The following CCDC7 variants were observed in gnomAD, a reference collection of about 807,000 sequenced individuals.
CCDC7 encodes coiled-coil domain containing 7.
In CCDC7, 183 loss-of-function variants were observed where a neutral mutation model predicts 196.9. That is an observed-to-expected ratio of 0.93 (90% CI 0.82 to 1.05). The LOEUF (loss-of-function observed/expected upper bound fraction) is 1.05, where lower values mean the gene tolerates loss of function less well. Among genes scored for constraint, CCDC7 ranks in the 50% least tolerant of loss-of-function variants. The probability of loss-of-function intolerance (pLI) is 0.00; values close to 1 mark genes in which losing one functional copy is unlikely to be tolerated. For missense variants in CCDC7, 1,540 were observed against 1,482.2 expected (o/e 1.04, Z -0.64); for synonymous variants, 525 against 484.6 (o/e 1.08, Z -1.10).
At chr10:32,683,908 A>G (rs2076160033) in intron 21 of CCDC7, among the ~76,000 whole-genome samples, 1 of 152,148 alleles carries the variant, frequency 6.6e-6, no homozygotes, top group Non-Finnish European at 1.5e-5. Context: ...GTTTTTCTTT[A>G]TGGCACGTGT....
At chr10:32,733,350 G>T (rs1244567327) in intron 28 of CCDC7, among the ~76,000 whole-genome samples, 1 of 152,004 alleles carries the variant, frequency 6.6e-6, no homozygotes, top group Non-Finnish European at 1.5e-5. Context: ...TGATAAATTT[G>T]TTTATTTAAT....
chr10:32,646,077 A>T (rs2067714894), intron 20 of CCDC7, among the ~76,000 whole-genome samples: 3 of 123,430 alleles, frequency 2.4e-5, no homozygotes, highest in South Asian at 2.9e-4. Flanking sequence ...TTATTTTCGG[A>T]TTGTTCTTTT....
At chr10:32,626,081 C>A (rs1374791903) in intron 18 of CCDC7, among the ~76,000 whole-genome samples, 2 of 151,994 alleles carry the variant, frequency 1.3e-5, no homozygotes, top group African/African-American at 4.8e-5. Context: ...TTGGTAAATA[C>A]TCAGAAATGC....
intron 11 of CCDC7, among the ~76,000 whole-genome samples, chr10:32,528,908 A>G (rs1222474384): frequency 6.6e-6 from 1 of 151,850 alleles, no homozygotes; most frequent in Non-Finnish European, 1.5e-5. Flanking sequence ...ATTTGGAAAT[A>G]TCTTTTTTGT....
intron 20 of CCDC7, among the ~76,000 whole-genome samples, chr10:32,654,264 T>C (rs1252742339): frequency 6.6e-6 from 1 of 152,220 alleles, no homozygotes; most frequent in African/African-American, 2.4e-5. Context: ...TGAATAGTTT[T>C]ATAATAGCTG....
At chr10:32,735,994 C>G (rs2084798180) in intron 28 of CCDC7, among the ~76,000 whole-genome samples, 1 of 152,072 alleles carries the variant, frequency 6.6e-6, no homozygotes, top group Non-Finnish European at 1.5e-5. Flanking sequence ...TTCTTTTTAT[C>G]TCTCTTCTGT....
intron 9 of CCDC7, among the ~76,000 whole-genome samples, chr10:32,510,987 A>G (rs2046023320): frequency 6.6e-6 from 1 of 151,316 alleles, no homozygotes; most frequent in Non-Finnish European, 1.5e-5. Context: ...AAATAGTACA[A>G]ATGTTTACAA....
intron 18 of CCDC7, among the ~76,000 whole-genome samples, chr10:32,590,345 A>G (rs1318118420): frequency 1.3e-5 from 2 of 152,132 alleles, no homozygotes; most frequent in Non-Finnish European, 2.9e-5. Context: ...AACAGCAAAA[A>G]CAAGCAAAAA....
intron 25 of CCDC7, among the ~76,000 whole-genome samples, chr10:32,725,150 A>C (rs1282037642): frequency 6.6e-6 from 1 of 152,078 alleles, no homozygotes; most frequent in Non-Finnish European, 1.5e-5. Context: ...CTTTAATTTT[A>C]GTGTCTAAGG....
intron 4 of CCDC7, 107 bp from the exon 6 acceptor site, chr10:32,462,910 G>T (rs566441984): frequency 2.6e-6 from 4 of 1,509,606 alleles, no homozygotes; most frequent in Non-Finnish European, 3.6e-6. Context: ...ATATTTGATG[G>T]ATGAAGATTC....
Position 32,715,430 on chromosome 10 carries a change from A to T in CCDC7, c.2569+3700A>T, listed in dbSNP as rs528682644. On this transcript the variant is annotated intron_variant, in intron 25 of 41. Transcript: ENST00000639629. ...TCAAAGACCAAAGGTAGATAAATCC[A>T]TGAAGATGAGTAAAAACCAGTGCAA... Among the ~76,000 whole-genome samples, 12 of 152,350 alleles carry T rather than the reference A, an allele frequency of 7.9e-5. No homozygotes were observed. The South Asian group carries it at 2.5e-3, about 32-fold the overall frequency.
At chr10:32,549,803 T>G (rs1049354940) in intron 13 of CCDC7, among the ~76,000 whole-genome samples, 2 of 152,200 alleles carry the variant, frequency 1.3e-5, no homozygotes, top group Non-Finnish European at 2.9e-5. Flanking sequence ...CCATGCTGTT[T>G]TGGTGACTAT....
intron 33 of CCDC7, among the ~76,000 whole-genome samples, chr10:32,841,772 GA>G (rs138206984): frequency 0.017 from 2,529 of 152,092 alleles, 35 homozygotes; most frequent in Non-Finnish European, 0.026. Context: ...TAGACCAATG[GA>G]ACAGAATAAA....
At chr10:32,670,762 T>G (rs1268165560) in intron 21 of CCDC7, among the ~76,000 whole-genome samples, 2 of 152,162 alleles carry the variant, frequency 1.3e-5, no homozygotes, top group Non-Finnish European at 2.9e-5. Context: ...GTTGATCTTT[T>G]CTATTGTTTT....
At chr10:32,726,190 A>G (rs1200925305) in intron 25 of CCDC7, among the ~76,000 whole-genome samples, 1 of 151,976 alleles carries the variant, frequency 6.6e-6, no homozygotes, top group Non-Finnish European at 1.5e-5. Context: ...ATTATTTTTC[A>G]CTTAACATTA....
At chr10:32,573,611 T>C (rs1164118208) in intron 16 of CCDC7, among the ~76,000 whole-genome samples, 1 of 152,116 alleles carries the variant, frequency 6.6e-6, no homozygotes, top group Non-Finnish European at 1.5e-5. Flanking sequence ...TGGGAAGTGA[T>C]AGAATGGAAG....
intron 20 of CCDC7, among the ~76,000 whole-genome samples, chr10:32,638,921 C>A (rs1171715039): frequency 7.9e-5 from 12 of 152,146 alleles, no homozygotes; most frequent in Non-Finnish European, 4.4e-5. Flanking sequence ...TGTTATTGGT[C>A]TATTCAGAGA....
At chr10:32,647,464 C>T (rs973435925) in intron 20 of CCDC7, among the ~76,000 whole-genome samples, 6 of 6,662 alleles carry the variant, frequency 9.0e-4, no homozygotes, top group Non-Finnish European at 4.4e-3. Context: ...GAGCTGAGAT[C>T]GTGCCACTTT....
chr10:32,694,775 A>G, intron 23 of CCDC7, 104 bp from the exon 25 acceptor site: 1 of 584,612 alleles, frequency 1.7e-6, no homozygotes, highest in Non-Finnish European at 2.9e-6. Flanking sequence ...TTACAAATTT[A>G]TCAAAATGAG....
Sources: allele counts gnomAD v4.1 joint callset (sites outside exome capture counted in the v4.1 genomes callset), GRCh38; gene constraint gnomAD v4.1.1; transcripts MANE v1.5; gene names NCBI Gene and HGNC (gene_info 2026-07-23, HGNC 2026-07-21).